Variants in IRF2 observed in about 807,000 individuals in gnomAD.
IRF2 encodes interferon regulatory factor 2.
Under a neutral mutation model 40.6 loss-of-function variants are expected in IRF2, and 15 were observed. The ratio of observed to expected loss-of-function variants is 0.37; its 90% confidence interval spans 0.25 to 0.57. The LOEUF is 0.57. IRF2 is among the 20% of genes least tolerant of loss of function. IRF2 has a pLI of 0.77. For synonymous variants in IRF2, 151 were observed against 165.5 expected (o/e 0.91, Z 0.67); for missense variants, 317 against 455.7 (o/e 0.70, Z 2.77).
At chr4:184,394,441 G>C (rs903705141) in intron 7 of IRF2, among the ~76,000 whole-genome samples, 2 of 152,224 alleles carry the variant, frequency 1.3e-5, no homozygotes, top group Non-Finnish European at 2.9e-5. Context: ...CTCTTGTTCA[G>C]CAAGTTTGAT....
In IRF2 at chr4:184,388,525, G is replaced by A. The variant is rs1736135710; in HGVS notation, c.*233C>T. 1.9e-6 allele frequency: 1 copy of A among 513,772 alleles called. No homozygotes were observed. The highest frequency in any genetic ancestry group is 3.9e-5 in the Admixed American group (1 of 25,452). The allele number at this position is 513,772 out of a possible 1,614,324, so 31.8% of individuals were successfully genotyped here. A position where few individuals can be genotyped will look rare whatever the true frequency, so the allele number is the denominator to read the frequency against. Reference sequence around the variant, plus strand: ...CTTGTTGGTCCTTGAACTTGAGTGAGTAGCCCTGGGAGATCCAGCAGGCTC... The same window carrying A: ...CTTGTTGGTCCTTGAACTTGAGTGAATAGCCCTGGGAGATCCAGCAGGCTC... On this transcript the variant is annotated 3_prime_UTR_variant, in exon 9 of 9. Coordinates refer to ENST00000393593, the MANE Select transcript of IRF2 (RefSeq NM_002199.4). The surrounding 1 kb of genome is among the most constrained non-coding windows in gnomAD (Gnocchi z 4.6).
At chr4:184,452,011 A>G (rs757634937) in intron 1 of IRF2, among the ~76,000 whole-genome samples, 38 of 152,164 alleles carry the variant, frequency 2.5e-4, no homozygotes, top group Non-Finnish European at 5.1e-4. Flanking sequence ...ATTTTTTGCA[A>G]TCTCTCACAC....
chr4:184,407,861 G>A (rs989856423), intron 6 of IRF2, among the ~76,000 whole-genome samples: 7 of 152,146 alleles, frequency 4.6e-5, no homozygotes, highest in Non-Finnish European at 7.3e-5. Context: ...TTTTGCCCAC[G>A]TGAACCAAAT....
chr4:184,436,251 A>T (rs62339975), intron 1 of IRF2, among the ~76,000 whole-genome samples: 48,823 of 152,112 alleles, frequency 0.32, 8,659 homozygotes, highest in South Asian at 0.47. Context: ...CTGGGATTAC[A>T]GGCGTGAGCC....
intron 1 of IRF2, among the ~76,000 whole-genome samples, chr4:184,433,209 C>T (rs1048503566): frequency 1.3e-4 from 20 of 152,194 alleles, no homozygotes; most frequent in African/African-American, 4.3e-4. Context: ...TCCAGCGCTT[C>T]GCCAACTTGA....
intron 1 of IRF2, among the ~76,000 whole-genome samples, chr4:184,440,306 G>A (rs554082403): frequency 2.0e-5 from 3 of 152,342 alleles, no homozygotes; most frequent in Admixed American, 2.0e-4. Flanking sequence ...CAGCGTCCCT[G>A]TCCCGGCCAC....
At chr4:184,428,852 G>T in intron 2 of IRF2, 126 bp downstream of exon 2, 1 of 789,118 alleles carries the variant, frequency 1.3e-6, no homozygotes, top group Non-Finnish European at 2.3e-6. Context: ...ATCATTTTGG[G>T]TTGGCTGGTT....
chr4:184,407,083 A>G, intron 6 of IRF2: 1 of 651,332 alleles, frequency 1.5e-6, no homozygotes, highest in South Asian at 1.5e-5. Context: ...ACAGGGTTAT[A>G]GAGCACTGCC....
intron 6 of IRF2, among the ~76,000 whole-genome samples, chr4:184,401,464 G>A (rs1236673461): frequency 6.6e-6 from 1 of 152,164 alleles, no homozygotes; most frequent in Non-Finnish European, 1.5e-5. Flanking sequence ...TTTTCCTGGT[G>A]GGGATAAAAT....
At chr4:184,467,033 AC>A (rs1739352722) in intron 1 of IRF2, among the ~76,000 whole-genome samples, 4 of 152,180 alleles carry the variant, frequency 2.6e-5, no homozygotes, top group Non-Finnish European at 4.4e-5. Flanking sequence ...CCCTAAGGTG[AC>A]TTCAGCCATG....
At chr4:184,407,117 G>T in intron 6 of IRF2, 4 of 1,098,898 alleles carry the variant, frequency 3.6e-6, no homozygotes, top group Non-Finnish European at 4.9e-6. Flanking sequence ...CAGAATGTCC[G>T]CACCTGCAAA....
intron 7 of IRF2, among the ~76,000 whole-genome samples, chr4:184,391,352 A>G (rs559355568): frequency 3.9e-5 from 6 of 152,306 alleles, no homozygotes; most frequent in African/African-American, 1.4e-4. Flanking sequence ...CAAATAAGAT[A>G]CAGCAAAGGG....
chr4:184,403,619 G>A (rs1185533298), intron 6 of IRF2, among the ~76,000 whole-genome samples: 10 of 152,148 alleles, frequency 6.6e-5, no homozygotes, highest in East Asian at 1.9e-4. Context: ...CAGCAGAACC[G>A]GGATTCAATG....
intron 2 of IRF2, among the ~76,000 whole-genome samples, chr4:184,428,162 T>TGGAAGG: frequency 6.6e-6 from 1 of 152,212 alleles, no homozygotes; most frequent in African/African-American, 2.4e-5. Context: ...TGTAAATGAC[T>TGGAAGG]GGCTGCTTTC....
At chr4:184,430,417 C>T (rs895343238) in intron 1 of IRF2, among the ~76,000 whole-genome samples, 2 of 152,064 alleles carry the variant, frequency 1.3e-5, no homozygotes, top group African/African-American at 4.8e-5. Context: ...CTCTGCTCTT[C>T]ATTCCCTGGC....
Position 184,460,362 on chromosome 4 carries a change from C to G in IRF2, c.-7+14017G>C, listed in dbSNP as rs140868519. The stretch of plus-strand genomic sequence containing the variant: ...GTTTAATGGGTATAGAGATTCTGAT[C>G]CAGATACTGAAAAAGTTCTGGAGAT... On this transcript the variant is annotated intron_variant, in intron 1 of 8. Coordinates refer to ENST00000393593, the MANE Select transcript of IRF2 (RefSeq NM_002199.4). 2.3e-3 allele frequency among the ~76,000 whole-genome samples: 352 copies of G among 152,210 alleles called. 1 individual carries two copies. Among genetic ancestry groups the G allele is most frequent in the African/African-American group, 7.5e-3 (312 of 41,508 alleles).
At chr4:184,453,207 T>A (rs1738790478) in intron 1 of IRF2, among the ~76,000 whole-genome samples, 1 of 152,210 alleles carries the variant, frequency 6.6e-6, no homozygotes, top group Non-Finnish European at 1.5e-5. Flanking sequence ...ATCATTTTTT[T>A]AAAGAGCATT....
chr4:184,402,546 C>A (rs1353618780), intron 6 of IRF2, among the ~76,000 whole-genome samples: 1 of 152,144 alleles, frequency 6.6e-6, no homozygotes, highest in Non-Finnish European at 1.5e-5. Context: ...TGTGTCCAGT[C>A]ATGACACATG....
At chr4:184,406,823 A>T (rs1409658697) in intron 6 of IRF2, among the ~76,000 whole-genome samples, 1 of 152,196 alleles carries the variant, frequency 6.6e-6, no homozygotes, top group Non-Finnish European at 1.5e-5. Context: ...TGCCTTAAAA[A>T]GCGGCTTGAG....
Sources: allele counts gnomAD v4.1 joint callset (sites outside exome capture counted in the v4.1 genomes callset), GRCh38; gene constraint gnomAD v4.1.1; non-coding constraint Gnocchi (gnomAD v3.1); transcripts MANE v1.5; gene names NCBI Gene and HGNC (gene_info 2026-07-23, HGNC 2026-07-21).